Variants in DIP2C observed in about 807,000 individuals in gnomAD.
The protein encoded by DIP2C is DIP2 acetate--CoA ligase C (putative).
Under a neutral mutation model 192.4 loss-of-function variants are expected in DIP2C, and 33 were observed. The observed-to-expected ratio is 0.17, with a 90% CI of 0.13 to 0.23. The LOEUF is 0.23. DIP2C is among the 10% of genes least tolerant of loss of function. The pLI is 1.00. For missense variants in DIP2C, 1,537 were observed against 2,110.1 expected, an observed-to-expected ratio of 0.73 and a Z score of 5.32; for synonymous variants, 979 against 864.1, an observed-to-expected ratio of 1.13 and a Z score of -2.33.
chr10:331,955 T>C (rs1411657311), intron 29 of DIP2C, among the ~76,000 whole-genome samples: 1 of 151,944 alleles, frequency 6.6e-6, no homozygotes, highest in African/African-American at 2.4e-5. Context: ...AGAGTCTTAC[T>C]TTGTCACCCA....
In DIP2C at chr10:428,949, A is replaced by G. The variant is rs542923744; in HGVS notation, c.395-5916T>C. Reference sequence around the variant, plus strand: ...CCAGCTTTATAGTGATGTCTCACTTATCCTTTCCAACTCCACATGTGCACA... The same window carrying G: ...CCAGCTTTATAGTGATGTCTCACTTGTCCTTTCCAACTCCACATGTGCACA... On this transcript the variant is annotated intron_variant, in intron 4 of 36. Transcript: ENST00000280886. Among the ~76,000 whole-genome samples, 5 of 152,190 alleles carry G rather than the reference A, an allele frequency of 3.3e-5. No individual in the cohort carries two copies. The East Asian group carries it at 9.7e-4, about 29-fold the overall frequency.
At chr10:319,086 A>C (rs534395221) in intron 31 of DIP2C, among the ~76,000 whole-genome samples, 15 of 151,770 alleles carry the variant, frequency 9.9e-5, no homozygotes, top group African/African-American at 3.6e-4. Flanking sequence ...CTAATTTTTG[A>C]ATTTTTAGTA....
chr10:575,301 T>C (rs997232521), intron 1 of DIP2C, among the ~76,000 whole-genome samples: 2 of 152,334 alleles, frequency 1.3e-5, no homozygotes, highest in Middle Eastern at 3.4e-3. Flanking sequence ...ATTGCTTTTA[T>C]AAAAAGTAAA....
At chr10:653,987 G>A (rs571857830) in intron 1 of DIP2C, among the ~76,000 whole-genome samples, 3 of 152,230 alleles carry the variant, frequency 2.0e-5, no homozygotes, top group African/African-American at 7.2e-5. Context: ...CTGCAAACAG[G>A]AACACCACGA....
intron 1 of DIP2C, among the ~76,000 whole-genome samples, chr10:554,708 A>G (rs1409400310): frequency 6.6e-6 from 1 of 152,214 alleles, no homozygotes; most frequent in African/African-American, 2.4e-5. Flanking sequence ...CCGCGCACAG[A>G]TTCTGCACCC....
At chr10:532,824 G>T (rs1847495351) in intron 1 of DIP2C, among the ~76,000 whole-genome samples, 1 of 151,870 alleles carries the variant, frequency 6.6e-6, no homozygotes, top group South Asian at 2.1e-4. Flanking sequence ...CTGTCGCTCA[G>T]GCACAGTGCA....
intron 17 of DIP2C, among the ~76,000 whole-genome samples, chr10:378,193 T>C (rs547822734): frequency 6.6e-6 from 1 of 152,262 alleles, no homozygotes; most frequent in East Asian, 1.9e-4. Context: ...ACACAAAATA[T>C]AACAGGACAG....
intron 8 of DIP2C, 107 bp from the exon 9 acceptor site, chr10:409,124 T>C: frequency 1.8e-6 from 2 of 1,137,828 alleles, no homozygotes; most frequent in Non-Finnish European, 1.2e-6. Flanking sequence ...CTGCGTATCA[T>C]GGTCTGCAAG....
chr10:316,529 G>C (rs1345602172), intron 31 of DIP2C, among the ~76,000 whole-genome samples: 1 of 152,234 alleles, frequency 6.6e-6, no homozygotes, highest in South Asian at 2.1e-4. Flanking sequence ...TGAAGGGCAA[G>C]GGCGCTGCAG....
chr10:463,502 A>C (rs984676829), intron 3 of DIP2C, among the ~76,000 whole-genome samples: 2 of 152,204 alleles, frequency 1.3e-5, no homozygotes, highest in Non-Finnish European at 2.9e-5. Context: ...GAGAAGACAC[A>C]AACAAATGGA....
At chr10:376,946 A>G (rs572323574) in intron 17 of DIP2C, among the ~76,000 whole-genome samples, 2 of 152,328 alleles carry the variant, frequency 1.3e-5, no homozygotes, top group African/African-American at 2.4e-5. Flanking sequence ...GATAAGTGAG[A>G]TTGCGATTTT....
At chr10:467,399 G>A in intron 3 of DIP2C, among the ~76,000 whole-genome samples, 1 of 127,344 alleles carries the variant, frequency 7.9e-6, no homozygotes, top group African/African-American at 2.9e-5. Context: ...GGGGAGGTGG[G>A]AGGGATAGCA....
chr10:346,517 A>G (rs1958468734), intron 26 of DIP2C, among the ~76,000 whole-genome samples: 3 of 140,900 alleles, frequency 2.1e-5, no homozygotes, highest in South Asian at 2.3e-4. Flanking sequence ...CACATCGCGC[A>G]TAGTTCTCCC....
chr10:283,057 G>T (rs1954918524), intron 35 of DIP2C, among the ~76,000 whole-genome samples: 1 of 152,268 alleles, frequency 6.6e-6, no homozygotes. Context: ...CTCAGGACAG[G>T]ACAGGGTATG....
chr10:590,201 G>A (rs895509194), intron 1 of DIP2C, among the ~76,000 whole-genome samples: 2 of 152,210 alleles, frequency 1.3e-5, no homozygotes, highest in Non-Finnish European at 1.5e-5. Flanking sequence ...CATGAACGAC[G>A]AGGCTCGAAT....
At chr10:674,530 G>A (rs2119042059) in intron 1 of DIP2C, among the ~76,000 whole-genome samples, 1 of 152,048 alleles carries the variant, frequency 6.6e-6, no homozygotes, top group Non-Finnish European at 1.5e-5. Flanking sequence ...AGCACTTTGG[G>A]GGGCAGAGGC....
chr10:548,488 C>A (rs1376501310), intron 1 of DIP2C, among the ~76,000 whole-genome samples: 6 of 143,228 alleles, frequency 4.2e-5, no homozygotes, highest in African/African-American at 1.1e-4. Flanking sequence ...GGCAGTGAGG[C>A]CAGAGGTGAT....
At chr10:492,091 GCT>G (rs961409852) in intron 1 of DIP2C, among the ~76,000 whole-genome samples, 56 of 152,336 alleles carry the variant, frequency 3.7e-4, no homozygotes, top group African/African-American at 1.3e-3. Context: ...TTGTTGCTCT[GCT>G]CTGATGTCAA....
At position 356,416 on chromosome 10, in the gene DIP2C, C is replaced by T. The variant is rs77703732; in HGVS notation, c.2985+10G>A. On this transcript the variant is annotated intron_variant, in intron 24 of 36. Transcript: ENST00000280886. ...GCCAGTAGCCAGGGAAGGCCAGCTC[C>T]GCGCCTCACCCGACAGTTGAGCAGC... is the stretch of plus-strand genomic sequence containing the variant. The T allele has an allele frequency of 5.7e-3, 9,099 of 1,610,416 alleles. 380 individuals carry two copies. In the African/African-American group the frequency reaches 0.096, roughly 17 times the overall value.
Sources: gnomAD v4.1 joint callset for allele counts (sites outside exome capture counted in the v4.1 genomes callset) on GRCh38, gnomAD v4.1.1 for gene constraint, MANE v1.5 for transcripts, NCBI Gene and HGNC (gene_info 2026-07-23, HGNC 2026-07-21) for gene names.